The following DPF3 variants were observed in gnomAD, a reference collection of about 807,000 sequenced individuals.
DPF3 encodes double PHD fingers 3.
DPF3 carries 18 observed loss-of-function variants against 56.8 expected under a neutral mutation model. That is an observed-to-expected ratio of 0.32 (90% confidence interval 0.22 to 0.47). The LOEUF (loss-of-function observed/expected upper bound fraction) is 0.47. DPF3 is among the 20% of genes least tolerant of loss of function. The pLI is 1.00. For synonymous variants in DPF3, 188 were observed against 180.2 expected (o/e 1.04, Z -0.35); for missense variants, 403 against 488.8 (o/e 0.82, Z 1.65).
chr14:72,777,112 G>A (rs1055553585), intron 1 of DPF3, among the ~76,000 whole-genome samples: 1 of 152,166 alleles, frequency 6.6e-6, no homozygotes, highest in African/African-American at 2.4e-5. Flanking sequence ...CTGGCCTGTG[G>A]CAGGATTGTG....
intron 3 of DPF3, among the ~76,000 whole-genome samples, chr14:72,734,273 G>A (rs749274638): frequency 2.0e-5 from 3 of 152,200 alleles, no homozygotes; most frequent in Admixed American, 2.0e-4. Flanking sequence ...TATAGGTAAC[G>A]GGGTCTACCT....
intron 1 of DPF3, among the ~76,000 whole-genome samples, chr14:72,877,025 C>T (rs1487747926): frequency 6.6e-6 from 1 of 152,168 alleles, no homozygotes; most frequent in East Asian, 1.9e-4. Context: ...CCCTTCAGTG[C>T]TTTTTGATCA....
At position 72,707,288 on chromosome 14, in the gene DPF3, C is replaced by T. The variant is rs1023478800; in HGVS notation, c.604+7135G>A. 9.2e-5 allele frequency among the ~76,000 whole-genome samples: 14 copies of T among 152,174 alleles called. No individual in the cohort carries two copies. In the East Asian group the frequency reaches 2.3e-3, roughly 25 times the overall value. On this transcript the variant is annotated intron_variant, in intron 6 of 10. Coordinates refer to ENST00000556509, the MANE Select transcript of DPF3 (RefSeq NM_001280542.3). ...TGTGAATAGTGCCGCAATAAACATA[C>T]GTGTGCATGTGTCTTTATAGCAGCA...
chr14:72,725,179 A>G (rs1414746160), intron 4 of DPF3, among the ~76,000 whole-genome samples: 1 of 152,144 alleles, frequency 6.6e-6, no homozygotes, highest in Non-Finnish European at 1.5e-5. Flanking sequence ...AAGCTGCAAA[A>G]TGGCTACAGT....
chr14:72,776,337 C>T lies in DPF3; in HGVS notation c.33-4444G>A, dbSNP rs771969159. On this transcript the variant is annotated intron_variant, in intron 1 of 10. Transcript: ENST00000556509. ...AAATTGCTGGGCTCCCCAGGCTCCC[C>T]AGACAGCATTCTGGTTGCAGCAGTG... Among the ~76,000 whole-genome samples the T allele has an allele frequency of 3.7e-4, 56 of 152,290 alleles. 1 individual carries two copies. The highest frequency in any genetic ancestry group is 1.3e-3 in the Admixed American group (20 of 15,304).
intron 8 of DPF3, among the ~76,000 whole-genome samples, chr14:72,673,071 G>T (rs909364539): frequency 6.6e-6 from 1 of 152,178 alleles, no homozygotes; most frequent in Admixed American, 6.5e-5. Context: ...AGAGTCACAC[G>T]TTGAGGGTTG....
intron 8 of DPF3, among the ~76,000 whole-genome samples, chr14:72,630,878 G>A (rs930359309): frequency 1.3e-5 from 2 of 152,170 alleles, no homozygotes; most frequent in African/African-American, 4.8e-5. Context: ...TTTAAAGAAG[G>A]ATGCTAGAGA....
At chr14:72,755,608 C>T (rs1299703941) in intron 2 of DPF3, among the ~76,000 whole-genome samples, 1 of 152,138 alleles carries the variant, frequency 6.6e-6, no homozygotes, top group Non-Finnish European at 1.5e-5. Flanking sequence ...TCTCTATATC[C>T]ACAAAGATGA....
intron 7 of DPF3, among the ~76,000 whole-genome samples, chr14:72,676,364 T>C (rs1886908206): frequency 6.6e-6 from 1 of 152,266 alleles, no homozygotes; most frequent in Non-Finnish European, 1.5e-5. Flanking sequence ...GGACTTCCTA[T>C]AATTTTCAAT....
chr14:72,610,390 C>G lies in DPF3; in HGVS notation c.*8907G>C, dbSNP rs1599297751. Among the ~76,000 whole-genome samples, 1 of 152,314 alleles carries G rather than the reference C, an allele frequency of 6.6e-6. No homozygotes were observed. The highest frequency in any genetic ancestry group is 1.9e-4 in the East Asian group (1 of 5,184). On this transcript the variant is annotated 3_prime_UTR_variant, in exon 11 of 11. Coordinates refer to ENST00000556509, the MANE Select transcript of DPF3 (RefSeq NM_001280542.3). ...CCTGCCAAAGCCCACCCAGAGGAAT[C>G]CCAGCGTTCACAAATGGAGGCGCCC...
At chr14:72,846,078 GTTTATTTTATTTTATTTTATTTTAT>G (rs58779335) in intron 1 of DPF3, among the ~76,000 whole-genome samples, 4 of 133,652 alleles carry the variant, frequency 3.0e-5, no homozygotes, top group Admixed American at 7.7e-5. Flanking sequence ...TTATTTTACT[GTTTATTTTATTTTATTTTATTTTAT>G]TTTATTTTAT....
chr14:72,736,134 GAAGA>G (rs1376656708), intron 3 of DPF3, among the ~76,000 whole-genome samples: 2 of 152,190 alleles, frequency 1.3e-5, no homozygotes, highest in Non-Finnish European at 2.9e-5. Context: ...GTAGAAAAAG[GAAGA>G]AAGTCAGGTG....
intron 1 of DPF3, among the ~76,000 whole-genome samples, chr14:72,831,183 A>T (rs1043413952): frequency 6.6e-6 from 1 of 152,168 alleles, no homozygotes; most frequent in Non-Finnish European, 1.5e-5. Context: ...ACGGCAGATT[A>T]AACAAGCAGG....
rs1884025563 is a variant in DPF3, at chr14:72,615,284, A to AGCCCC, written c.*4008_*4012dup. On this transcript the variant is annotated 3_prime_UTR_variant, in exon 11 of 11. Coordinates refer to ENST00000556509, the MANE Select transcript of DPF3 (RefSeq NM_001280542.3). The stretch of plus-strand genomic sequence containing the variant: ...ACACAGACCCAAAGAGGAGACTATA[A>AGCCCC]GCCCCTCTTCTTTGAGTCCTGAGGC... Among the ~76,000 whole-genome samples, 1 of 152,210 alleles carries AGCCCC rather than the reference A, an allele frequency of 6.6e-6. No homozygotes were observed. Among genetic ancestry groups the AGCCCC allele is most frequent in the Non-Finnish European group, 1.5e-5 (1 of 67,982 alleles).
At chr14:72,715,294 C>A (rs907842301) in intron 5 of DPF3, among the ~76,000 whole-genome samples, 4 of 152,218 alleles carry the variant, frequency 2.6e-5, no homozygotes, top group Non-Finnish European at 4.4e-5. Context: ...AGAGCCCAGT[C>A]AGAGAGGTTG....
At chr14:72,763,810 TA>T (rs552629749) in intron 2 of DPF3, among the ~76,000 whole-genome samples, 4 of 151,362 alleles carry the variant, frequency 2.6e-5, no homozygotes, top group African/African-American at 4.9e-5. Flanking sequence ...CCACAGATTG[TA>T]AAAAAAAATT....
chr14:72,784,137 C>T (rs781454452), intron 1 of DPF3, among the ~76,000 whole-genome samples: 1 of 152,140 alleles, frequency 6.6e-6, no homozygotes, highest in Non-Finnish European at 1.5e-5. Flanking sequence ...CACTGAGTCT[C>T]ATTTCACCCG....
chr14:72,679,682 C>T (rs1329437225), intron 7 of DPF3, among the ~76,000 whole-genome samples: 2 of 152,268 alleles, frequency 1.3e-5, no homozygotes, highest in East Asian at 1.9e-4. Context: ...GAATCCTGGG[C>T]TCCGGCAGCC....
chr14:72,714,058 G>C (rs1338515871), intron 6 of DPF3, among the ~76,000 whole-genome samples: 4 of 152,240 alleles, frequency 2.6e-5, no homozygotes, highest in African/African-American at 4.8e-5. Context: ...TTTGAGTTAT[G>C]CTTTTGTTTG....
Sources: allele counts gnomAD v4.1 joint callset (sites outside exome capture counted in the v4.1 genomes callset), GRCh38; gene constraint gnomAD v4.1.1; transcripts MANE v1.5; gene names NCBI Gene and HGNC (gene_info 2026-07-23, HGNC 2026-07-21).